The following CCDC32 variants were observed in gnomAD, a reference collection of about 807,000 sequenced individuals.
The protein encoded by CCDC32 is coiled-coil domain containing 32, also known as coiled-coil domain-containing protein 32.
CCDC32 carries 9 observed loss-of-function variants against 20.1 expected under a neutral mutation model. That is an observed-to-expected ratio of 0.45 (90% CI 0.27 to 0.78). The LOEUF (loss-of-function observed/expected upper bound fraction) is 0.78, where lower values mean the gene tolerates loss of function less well. Among genes scored for constraint, CCDC32 ranks in the 30% least tolerant of loss-of-function variants. CCDC32 has a pLI of 0.16. For synonymous variants in CCDC32, 63 were observed against 79.0 expected (o/e 0.80, Z 1.07); for missense variants, 204 against 215.5 (o/e 0.95, Z 0.33).
At chr15:40,524,478 ATAT>A (rs977707871), downstream of CCDC32, among the ~76,000 whole-genome samples, 3 of 151,966 alleles carry the variant, frequency 2.0e-5, no homozygotes, top group South Asian at 2.1e-4. Flanking sequence ...AATCTTAAAA[ATAT>A]TATGTTGAGT....
chr15:40,558,278 A>G lies in CCDC32; in HGVS notation c.245-906T>C, dbSNP rs563581507. Among the ~76,000 whole-genome samples, 5 of 152,306 alleles carry G rather than the reference A, an allele frequency of 3.3e-5. No homozygotes were observed. In the South Asian group the frequency reaches 1.0e-3, roughly 32 times the overall value. ...TTTTCATTTCTAAAAAAGTCACATC[A>G]GCTAACACCCACTGATCAAAACAAA... On this transcript the variant is annotated intron_variant, in intron 2 of 3. Coordinates refer to ENST00000416810, the MANE Select transcript of CCDC32 (RefSeq NM_001080792.4).
At chr15:40,564,698 G>A in intron 1 of CCDC32, 1 of 1,609,822 alleles carries the variant, frequency 6.2e-7, no homozygotes, top group South Asian at 1.1e-5. Context: ...GTGAACTGAT[G>A]TCTAGCGCTA....
chr15:40,558,109 C>A (rs78279953), intron 2 of CCDC32: 1 of 152,114 alleles, frequency 6.6e-6, no homozygotes, highest in Non-Finnish European at 1.5e-5. Context: ...TTTCCCCTTT[C>A]GAAGAATACA....
chr15:40,528,103 C>A (rs560993585), downstream of CCDC32, among the ~76,000 whole-genome samples: 37 of 152,228 alleles, frequency 2.4e-4, no homozygotes, highest in Non-Finnish European at 5.0e-4. Flanking sequence ...CAGTTTACAA[C>A]CTTCAGCACA....
intron 3 of CCDC32, among the ~76,000 whole-genome samples, chr15:40,539,659 G>A (rs962416166): frequency 5.9e-5 from 9 of 152,144 alleles, no homozygotes; most frequent in Non-Finnish European, 7.4e-5. Context: ...TCAGCTCTCC[G>A]CTGCCCCTGC....
chr15:40,549,430 C>T (rs1177366509), downstream of CCDC32, among the ~76,000 whole-genome samples: 1 of 152,150 alleles, frequency 6.6e-6, no homozygotes, highest in African/African-American at 2.4e-5. Context: ...TCTATTTCCT[C>T]TCACTCCTAT....
chr15:40,552,481 CAAAAAAAAAAAA>C (rs58360713), downstream of CCDC32, among the ~76,000 whole-genome samples: 1 of 94,366 alleles, frequency 1.1e-5, no homozygotes, highest in African/African-American at 4.6e-5. Context: ...AACTCCATCT[CAAAAAAAAAAAA>C]AAAAAAAAAG....
intron 2 of CCDC32, among the ~76,000 whole-genome samples, chr15:40,560,668 G>C (rs1453288324): frequency 6.6e-6 from 1 of 152,206 alleles, no homozygotes; most frequent in Non-Finnish European, 1.5e-5. Flanking sequence ...AAAATGGTGA[G>C]CTACCACCTC....
downstream of CCDC32, chr15:40,553,037 T>C: frequency 1.1e-6 from 1 of 874,946 alleles, no homozygotes; most frequent in Non-Finnish European, 1.4e-6. Context: ...TGTCTTTACC[T>C]CCTGCTGCCT....
At chr15:40,554,401 C>A (rs1223213905) in intron 3 of CCDC32, among the ~76,000 whole-genome samples, 1 of 152,060 alleles carries the variant, frequency 6.6e-6, no homozygotes, top group African/African-American at 2.4e-5. Context: ...TTGATGAGAA[C>A]CGCTGAAGAG....
At position 40,557,372 on chromosome 15, in the gene CCDC32, T is replaced by C; in HGVS notation, c.245A>G (p.Glu82Gly). 6.2e-7 allele frequency: 1 copy of C among 1,604,038 alleles called. No individual in the cohort carries two copies. Among genetic ancestry groups the C allele is most frequent in the Non-Finnish European group, 8.5e-7 (1 of 1,176,884 alleles). Residue 82 changes from glutamate (E) to glycine (G), a missense_variant and splice_region_variant, in exon 3 of 4, where the codon GAG becomes GGG. Glu to Gly is a moderately conservative substitution (Grantham distance 98). Coordinates refer to ENST00000416810, the MANE Select transcript of CCDC32 (RefSeq NM_001080792.4). ...QDSEVYLASLEKKLRRIKGLN... is the reference protein window; with the variant it reads ...QDSEVYLASLGKKLRRIKGLN... Reference sequence around the variant, plus strand: ...ACCTTTGATTCTTCTTAGCTTCTTCTCTAGAGAGAGAAGTAGAGCTTAACA... The same window carrying C: ...ACCTTTGATTCTTCTTAGCTTCTTCCCTAGAGAGAGAAGTAGAGCTTAACA...
chr15:40,552,090 T>C (rs1889902822), downstream of CCDC32, among the ~76,000 whole-genome samples: 1 of 150,888 alleles, frequency 6.6e-6, no homozygotes, highest in Non-Finnish European at 1.5e-5. Context: ...GCCTGGGAGG[T>C]TGAGGCTGTA....
chr15:40,564,792 C>T, intron 1 of CCDC32, 184 bp downstream of exon 1: 1 of 1,614,152 alleles, frequency 6.2e-7, no homozygotes, highest in Non-Finnish European at 8.5e-7. Context: ...GCCCCTTACC[C>T]CAGGGCAGGG....
chr15:40,524,453 A>G (rs937766759), downstream of CCDC32, among the ~76,000 whole-genome samples: 7 of 152,096 alleles, frequency 4.6e-5, no homozygotes, highest in African/African-American at 7.2e-5. Flanking sequence ...CACCGCGCCC[A>G]GCCACAACAT....
downstream of CCDC32, chr15:40,535,137 C>G (rs1238210832): frequency 2.0e-6 from 2 of 1,011,206 alleles, no homozygotes; most frequent in Non-Finnish European, 1.5e-6. Context: ...GGTATTTGAT[C>G]AGAGCTGTGC....
intron 2 of CCDC32, among the ~76,000 whole-genome samples, chr15:40,559,268 T>C (rs762074080): frequency 5.9e-5 from 9 of 152,160 alleles, no homozygotes; most frequent in Non-Finnish European, 1.3e-4. Flanking sequence ...AAAAATGTAT[T>C]TGTAAAGACA....
chr15:40,544,334 A>G (rs1039871789), intron 3 of CCDC32, among the ~76,000 whole-genome samples: 1 of 151,968 alleles, frequency 6.6e-6, no homozygotes, highest in African/African-American at 2.4e-5. Flanking sequence ...CCACCTCAGC[A>G]TCCCGAGTAG....
At position 40,555,733 on chromosome 15, in the gene CCDC32, G is replaced by A. The variant is rs562452868; in HGVS notation, c.401+1483C>T. ...ATTTGCAAGTAAATGTACCTATGAA[G>A]TTTTATTCACATACTGTCCTGATTT... is the stretch of plus-strand genomic sequence containing the variant. On this transcript the variant is annotated intron_variant, in intron 3 of 3. Transcript: ENST00000416810. Among the ~76,000 whole-genome samples the A allele has an allele frequency of 2.6e-5, 4 of 152,284 alleles. No homozygotes were observed. In the South Asian group the frequency reaches 8.3e-4, roughly 32 times the overall value.
At chr15:40,542,873 C>G (rs1035314358) in intron 3 of CCDC32, among the ~76,000 whole-genome samples, 82 of 149,494 alleles carry the variant, frequency 5.5e-4, no homozygotes, top group African/African-American at 2.0e-3. Flanking sequence ...AAAAAAGATG[C>G]CTGGCCAGGT....
Sources: gnomAD v4.1 joint callset for allele counts (sites outside exome capture counted in the v4.1 genomes callset) on GRCh38, gnomAD v4.1.1 for gene constraint, MANE v1.5 for transcripts, NCBI Gene and HGNC (gene_info 2026-07-23, HGNC 2026-07-21) for gene names.